GRIN2B: variants seen among roughly 807,000 people sequenced by gnomAD.
GRIN2B encodes glutamate ionotropic receptor NMDA type subunit 2B, also known as glutamate receptor ionotropic, NMDA 2B.
In GRIN2B, 5 loss-of-function variants were observed where a neutral mutation model predicts 114.5. The ratio of observed to expected loss-of-function variants is 0.04; its 90% confidence interval spans 0.02 to 0.09. The LOEUF (loss-of-function observed/expected upper bound fraction) is 0.09. Ranked by LOEUF, GRIN2B falls within the 10% of genes least tolerant of loss-of-function variation. The pLI is 1.00. For synonymous variants in GRIN2B, 787 were observed against 745.1 expected (o/e 1.06, Z -0.92); for missense variants, 1,108 against 1,943.5 (o/e 0.57, Z 8.08).
intron 2 of GRIN2B, among the ~76,000 whole-genome samples, chr12:13,902,450 C>CA (rs1023539436): frequency 2.6e-5 from 4 of 151,892 alleles, no homozygotes; most frequent in Admixed American, 6.6e-5. Flanking sequence ...AAAAATGAAC[C>CA]AAAAAAACAA....
chr12:13,895,805 T>C (rs776366036), intron 2 of GRIN2B, among the ~76,000 whole-genome samples: 6 of 152,096 alleles, frequency 3.9e-5, no homozygotes, highest in Non-Finnish European at 7.4e-5. Context: ...GATCTTTTCA[T>C]GCTATGTGAG....
chr12:13,800,228 C>A (rs569280133), intron 3 of GRIN2B, among the ~76,000 whole-genome samples: 2 of 152,260 alleles, frequency 1.3e-5, no homozygotes, highest in East Asian at 3.9e-4. Context: ...GTTAAGGACC[C>A]ATCCCAGTCT....
chr12:13,865,538 A>C (rs1865812685), intron 3 of GRIN2B, among the ~76,000 whole-genome samples: 2 of 152,298 alleles, frequency 1.3e-5, no homozygotes, highest in South Asian at 4.2e-4. Flanking sequence ...AGGCTGAGGC[A>C]GGAGAATCAC....
chr12:13,977,403 A>T (rs966317633), intron 2 of GRIN2B: 1 of 152,244 alleles, frequency 6.6e-6, no homozygotes, highest in Admixed American at 6.5e-5. Flanking sequence ...GCTCTGCCAC[A>T]CCTGAAACAG....
intron 2 of GRIN2B, among the ~76,000 whole-genome samples, chr12:13,891,188 T>G (rs923983943): frequency 6.6e-6 from 1 of 152,240 alleles, no homozygotes; most frequent in Non-Finnish European, 1.5e-5. Context: ...CAGAGCCTCT[T>G]GAACTCAATA....
chr12:13,833,925 G>A (rs1192758140), intron 3 of GRIN2B, among the ~76,000 whole-genome samples: 1 of 150,968 alleles, frequency 6.6e-6, no homozygotes, highest in Non-Finnish European at 1.5e-5. Context: ...GGTCAAAAGT[G>A]TGTCATTTGA....
At chr12:13,713,720 G>C (rs865898572) in intron 4 of GRIN2B, among the ~76,000 whole-genome samples, 1 of 151,810 alleles carries the variant, frequency 6.6e-6, no homozygotes, top group Non-Finnish European at 1.5e-5. Context: ...CTTAAGAAAA[G>C]TACGTAGAGA....
intron 3 of GRIN2B, among the ~76,000 whole-genome samples, chr12:13,803,845 C>A (rs1864557298): frequency 6.6e-6 from 1 of 152,156 alleles, no homozygotes; most frequent in African/African-American, 2.4e-5. Flanking sequence ...CAAGTCTGAG[C>A]TGATGTAGCG....
chr12:13,943,827 A>G (rs775795189), intron 2 of GRIN2B, among the ~76,000 whole-genome samples: 3 of 151,534 alleles, frequency 2.0e-5, no homozygotes, highest in Non-Finnish European at 4.4e-5. Context: ...AGTACTCATC[A>G]CTCTCGTCTA....
chr12:13,552,942 T>G lies in GRIN2B; in HGVS notation c.*9841A>C, dbSNP rs1948432159. ...GACTTGTCACTGCCTGTAACTTATTTGAGTTCAGTTCTCTATAGTATGCTT... is the reference window on the plus strand; with the variant it reads ...GACTTGTCACTGCCTGTAACTTATTGGAGTTCAGTTCTCTATAGTATGCTT... On this transcript the variant is annotated 3_prime_UTR_variant, in exon 14 of 14. Coordinates refer to ENST00000609686, the MANE Select transcript of GRIN2B (RefSeq NM_000834.5). 1.3e-5 allele frequency: 2 copies of G among 152,198 alleles called. No homozygotes were observed. The highest frequency in any genetic ancestry group is 4.1e-4 in the South Asian group (2 of 4,828). The allele number at this position is 152,198 out of a possible 1,614,324, so 9.4% of individuals were successfully genotyped here.
rs575227513 is a variant in GRIN2B, at chr12:13,832,153, CTA to C, written c.411+33643_411+33644del. 8.3e-4 allele frequency among the ~76,000 whole-genome samples: 127 copies of C among 152,256 alleles called. 1 individual carries two copies. The highest frequency in any genetic ancestry group is 3.4e-3 in the Middle Eastern group (1 of 294). On this transcript the variant is annotated intron_variant, in intron 3 of 13. Transcript: ENST00000609686. ...TGAAAATTTAGCAACTTTCTAAGAACTATGTTTCTTCTTACACGTATTTATTC... is the reference window on the plus strand; with the variant it reads ...TGAAAATTTAGCAACTTTCTAAGAACTGTTTCTTCTTACACGTATTTATTC...
chr12:13,710,748 C>T (rs1950406216), intron 4 of GRIN2B, among the ~76,000 whole-genome samples: 1 of 152,132 alleles, frequency 6.6e-6, no homozygotes, highest in African/African-American at 2.4e-5. Context: ...AATGGAAGAA[C>T]ATTCCATGCT....
Position 13,564,278 on chromosome 12 carries a change from T to C in GRIN2B, c.2960A>G (p.His987Arg), listed in dbSNP as rs765183831. The C allele has an allele frequency of 6.2e-7, 1 of 1,614,164 alleles. No individual in the cohort carries two copies. The highest frequency in any genetic ancestry group is 1.3e-5 in the African/African-American group (1 of 75,026). ...GCCAATACTATGGGGCCGGTGGTGATGGTGGTAGTGATCTTGGTACACGTT... is the reference window on the plus strand; with the variant it reads ...GCCAATACTATGGGGCCGGTGGTGACGGTGGTAGTGATCTTGGTACACGTT... ...DSNVYQDHYH[H>R]HHRPHSIGSA... Residue 987 changes from histidine (H) to arginine (R), a missense_variant, in exon 14 of 14, where the codon CAT becomes CGT. This residue lies in a region of GRIN2B where 140 missense variants were observed against 187.5 expected (regional missense o/e 0.75). Transcript: ENST00000609686. The surrounding 1 kb of genome is among the most constrained non-coding windows in gnomAD (Gnocchi z 4.8).
intron 2 of GRIN2B, among the ~76,000 whole-genome samples, chr12:13,893,164 A>G (rs1316812966): frequency 6.6e-6 from 1 of 152,234 alleles, no homozygotes; most frequent in Admixed American, 6.5e-5. Context: ...TTTGAATTAC[A>G]TCTAAACAGC....
At position 13,639,330 on chromosome 12, in the gene GRIN2B, A is replaced by C. The variant is rs142229253; in HGVS notation, c.1126-22673T>G. On this transcript the variant is annotated intron_variant, in intron 5 of 13. Coordinates refer to ENST00000609686, the MANE Select transcript of GRIN2B (RefSeq NM_000834.5). ...GGTCATAAAAATACAAAGATTCTGC[A>C]GTGGTAGAGGCAGTAAAAGCAGTCA... is the stretch of plus-strand genomic sequence containing the variant. Among the ~76,000 whole-genome samples the C allele has an allele frequency of 1.4e-3, 217 of 152,294 alleles. 1 individual carries two copies. The highest frequency in any genetic ancestry group is 5.0e-3 in the African/African-American group (208 of 41,586).
chr12:13,903,093 C>A (rs2136789573), intron 2 of GRIN2B, among the ~76,000 whole-genome samples: 1 of 151,706 alleles, frequency 6.6e-6, no homozygotes, highest in South Asian at 2.1e-4. Context: ...TAGTGATATC[C>A]CCATTTTTCT....
At chr12:13,895,620 T>C (rs1474586455) in intron 2 of GRIN2B, among the ~76,000 whole-genome samples, 1 of 152,230 alleles carries the variant, frequency 6.6e-6, no homozygotes, top group Non-Finnish European at 1.5e-5. Context: ...GGGTTAATAA[T>C]GTAAACGGAA....
intron 4 of GRIN2B, among the ~76,000 whole-genome samples, chr12:13,726,775 T>G (rs1253013384): frequency 6.6e-6 from 1 of 151,936 alleles, no homozygotes; most frequent in Admixed American, 6.6e-5. Context: ...ACCTGAGCAA[T>G]GTACCCTGTA....
Position 13,659,348 on chromosome 12 carries a change from C to T in GRIN2B, c.1125+16397G>A, listed in dbSNP as rs1288779266. On this transcript the variant is annotated intron_variant, in intron 5 of 13. Coordinates refer to ENST00000609686, the MANE Select transcript of GRIN2B (RefSeq NM_000834.5). ...TTTATTCCACCTCTGCCATCACTCT[C>T]GCAGCCACCTCTGCTCCATGATTGT... Among the ~76,000 whole-genome samples the T allele has an allele frequency of 2.0e-5, 3 of 152,280 alleles. No homozygotes were observed. The East Asian group carries it at 5.8e-4, about 29-fold the overall frequency.
Sources: allele counts gnomAD v4.1 joint callset (sites outside exome capture counted in the v4.1 genomes callset), GRCh38; gene constraint gnomAD v4.1.1; regional missense constraint gnomAD v4.1.1; non-coding constraint Gnocchi (gnomAD v3.1); transcripts MANE v1.5; gene names NCBI Gene and HGNC (gene_info 2026-07-23, HGNC 2026-07-21).